Variants in ABI3 observed in about 807,000 individuals in gnomAD.
ABI3 encodes the protein ABI gene family member 3.
ABI3 carries 24 observed loss-of-function variants against 37.0 expected under a neutral mutation model. The ratio of observed to expected loss-of-function variants is 0.65; its 90% CI spans 0.47 to 0.91. The LOEUF is 0.91. ABI3 is among the 40% of genes least tolerant of loss of function. The pLI is 0.00. For synonymous variants in ABI3, 220 were observed against 211.8 expected (o/e 1.04, Z -0.34); for missense variants, 481 against 485.1 (o/e 0.99, Z 0.08).
At chr17:49,217,679 A>AG in intron 2 of ABI3, 60 bp from the exon 3 acceptor site, 2 of 1,488,752 alleles carry the variant, frequency 1.3e-6, no homozygotes, top group Non-Finnish European at 1.8e-6. Context: ...CTTCCTCCTT[A>AG]GGGGGAAGGG....
At chr17:49,220,846 A>AAAT (rs201119263) in intron 6 of ABI3, among the ~76,000 whole-genome samples, 9,018 of 137,056 alleles carry the variant, frequency 0.066, 323 homozygotes, top group East Asian at 0.12. Context: ...CTCCATCTCA[A>AAAT]AATAATAATA....
chr17:49,216,621 G>A lies in ABI3; in HGVS notation c.208G>A (p.Gly70Arg), dbSNP rs764275935. Residue 70 changes from glycine (G) to arginine (R), a missense_variant, in exon 2 of 8, where the codon GGG (glycine) becomes AGG (arginine). Gly to Arg is a moderately radical substitution (Grantham distance 125). Coordinates refer to ENST00000225941, the MANE Select transcript of ABI3 (RefSeq NM_016428.3). ...SVAYQVGNLAGHTLRMLDLQG... is the reference protein window; with the variant it reads ...SVAYQVGNLARHTLRMLDLQG... ...GGCCTACCAGGTGGGCAACCTGGCCGGGCACACTCTGCGCATGTTGGACCT... is the reference window on the plus strand; with the variant it reads ...GGCCTACCAGGTGGGCAACCTGGCCAGGCACACTCTGCGCATGTTGGACCT... The A allele has an allele frequency of 2.2e-5, 35 of 1,611,650 alleles. No homozygotes were observed. Among genetic ancestry groups the A allele is most frequent in the South Asian group, 3.3e-5 (3 of 90,530 alleles).
chr17:49,220,815 G>C (rs916692666), intron 6 of ABI3, among the ~76,000 whole-genome samples: 1 of 149,800 alleles, frequency 6.7e-6, no homozygotes, highest in Admixed American at 6.7e-5. Flanking sequence ...TTGCACTCCA[G>C]CCTGGGCAAC....
intron 1 of ABI3, 79 bp from the exon 2 acceptor site, chr17:49,216,452 T>A: frequency 7.5e-7 from 1 of 1,337,646 alleles, no homozygotes; most frequent in South Asian, 1.9e-5. Context: ...TTTCCCTATA[T>A]CCTCTCCCAT....
chr17:49,222,018 T>C, intron 6 of ABI3, 73 bp from the exon 7 acceptor site: 19 of 1,469,936 alleles, frequency 1.3e-5, no homozygotes, highest in Non-Finnish European at 1.6e-5. Flanking sequence ...GGGGTCCAGC[T>C]CTTGAGCAGT....
At chr17:49,211,592 G>A (rs1480209151) in intron 1 of ABI3, among the ~76,000 whole-genome samples, 3 of 152,190 alleles carry the variant, frequency 2.0e-5, no homozygotes, top group Admixed American at 2.0e-4. Flanking sequence ...TTACAGATGT[G>A]GAAACAGTAG....
chr17:49,215,108 G>T (rs1346852785), intron 1 of ABI3, among the ~76,000 whole-genome samples: 1 of 152,250 alleles, frequency 6.6e-6, no homozygotes, highest in Admixed American at 6.5e-5. Context: ...AAATCTTAGT[G>T]TGGTGAAGGA....
At chr17:49,217,708 CCTCT>C (rs2043235468) in intron 2 of ABI3, 27 bp from the exon 3 acceptor site, 1 of 1,582,478 alleles carries the variant, frequency 6.3e-7, no homozygotes, top group Admixed American at 1.8e-5. Context: ...ACAGACCACC[CCTCT>C]CTGTCACCTT....
chr17:49,220,016 C>T (rs1371186121), intron 5 of ABI3, 63 bp downstream of exon 5: 2 of 1,527,928 alleles, frequency 1.3e-6, no homozygotes, highest in African/African-American at 1.4e-5. Context: ...GAGGGGCCAC[C>T]TGCCAGTGGT....
intron 1 of ABI3, among the ~76,000 whole-genome samples, chr17:49,214,465 T>C (rs1323254207): frequency 1.3e-5 from 2 of 152,114 alleles, no homozygotes; most frequent in African/African-American, 2.4e-5. Context: ...TCCCAGCACT[T>C]TGGGAGGCCA....
intron 1 of ABI3, among the ~76,000 whole-genome samples, chr17:49,211,168 G>A (rs989141493): frequency 2.6e-5 from 4 of 152,134 alleles, no homozygotes; most frequent in Admixed American, 6.5e-5. Context: ...CAAAGCCTCC[G>A]TCCTCACACA....
chr17:49,220,204 AG>A lies in ABI3; in HGVS notation c.684del (p.Gln229ArgfsTer86), dbSNP rs1389243462. On this transcript the variant is annotated frameshift_variant, in exon 6 of 8. Coordinates refer to ENST00000225941, the MANE Select transcript of ABI3 (RefSeq NM_016428.3). LOFTEE classifies it high-confidence loss of function. ...AEGVGGAPTP[K>X]GQAAPPAPPL... ...GGTGTCGGTGGGGCCCCCACGCCCAAGGGGCAGGCAGCACCTCCAGCCCCAC... is the reference window on the plus strand; with the variant it reads ...GGTGTCGGTGGGGCCCCCACGCCCAAGGGCAGGCAGCACCTCCAGCCCCAC... 1.2e-6 allele frequency: 2 copies of A among 1,612,198 alleles called. No homozygotes were observed. The highest frequency in any genetic ancestry group is 1.7e-6 in the Non-Finnish European group (2 of 1,179,948).
intron 3 of ABI3, 56 bp downstream of exon 3, chr17:49,217,971 C>T (rs1016591333): frequency 1.1e-5 from 16 of 1,452,498 alleles, no homozygotes; most frequent in Admixed American, 2.8e-5. Context: ...GCCTTGTGGC[C>T]CCTTTCCCTC....
At chr17:49,216,465 C>T in intron 1 of ABI3, 66 bp from the exon 2 acceptor site, 2 of 1,375,630 alleles carry the variant, frequency 1.5e-6, no homozygotes, top group South Asian at 1.8e-5. Context: ...TCTCCCATCC[C>T]ACCCCAGCCA....
At chr17:49,220,405 G>A (rs1213443164) in intron 6 of ABI3, 79 bp downstream of exon 6, 1 of 1,495,430 alleles carries the variant, frequency 6.7e-7, no homozygotes, top group Non-Finnish European at 9.0e-7. Context: ...ACCTCTCTTG[G>A]ATCTGCCCCG....
At chr17:49,222,480 C>A in intron 7 of ABI3, 72 bp from the exon 8 acceptor site, 1 of 1,561,074 alleles carries the variant, frequency 6.4e-7, no homozygotes, top group Non-Finnish European at 8.7e-7. Flanking sequence ...CGTGCATCCC[C>A]ATGGTGGTGG....
intron 5 of ABI3, 96 bp downstream of exon 5, chr17:49,220,049 A>T: frequency 6.5e-7 from 1 of 1,546,340 alleles, no homozygotes; most frequent in East Asian, 2.3e-5. Context: ...TGGGCTTGAA[A>T]GGACCCAGTT....
intron 6 of ABI3, among the ~76,000 whole-genome samples, chr17:49,221,829 C>T (rs1272940762): frequency 6.6e-6 from 1 of 152,182 alleles, no homozygotes; most frequent in Non-Finnish European, 1.5e-5. Context: ...AGCCATTCTC[C>T]TGCCTCAGTC....
chr17:49,216,493 AG>A, intron 1 of ABI3, 37 bp from the exon 2 acceptor site: 1 of 1,460,382 alleles, frequency 6.8e-7, no homozygotes, highest in Non-Finnish European at 9.1e-7. Context: ...ACCCAGTGGA[AG>A]ATGCTGGCCC....
Sources: allele counts gnomAD v4.1 joint callset (sites outside exome capture counted in the v4.1 genomes callset), GRCh38; gene constraint gnomAD v4.1.1; transcripts MANE v1.5; gene names NCBI Gene and HGNC (gene_info 2026-07-23, HGNC 2026-07-21).